EYS: variants seen among roughly 807,000 people sequenced by gnomAD.
The protein encoded by EYS is protein eyes shut homolog.
In EYS, 250 loss-of-function variants were observed where a neutral mutation model predicts 282.1. That is an observed-to-expected ratio of 0.89 (90% confidence interval 0.80 to 0.98). The LOEUF is 0.98. Among genes scored for constraint, EYS ranks in the 50% least tolerant of loss-of-function variants. EYS has a pLI of 0.00. For missense variants in EYS, 4,016 were observed against 3,709.0 expected, an observed-to-expected ratio of 1.08 and a Z score of -2.15; for synonymous variants, 1,355 against 1,282.9, an observed-to-expected ratio of 1.06 and a Z score of -1.20.
At chr6:65,075,732 A>G (rs1390473625) in intron 12 of EYS, among the ~76,000 whole-genome samples, 1 of 152,010 alleles carries the variant, frequency 6.6e-6, no homozygotes, top group African/African-American at 2.4e-5. Flanking sequence ...TGAGTTTCTC[A>G]CAGCCTAATA....
At chr6:63,836,332 TTACCAAAAAAATTTGGTAAAATA>T (rs1771804061) in intron 36 of EYS, among the ~76,000 whole-genome samples, 3 of 151,964 alleles carry the variant, frequency 2.0e-5, no homozygotes, top group Non-Finnish European at 2.9e-5. Context: ...AATTTGCCTT[TTACCAAAAAAATTTGGTAAAATA>T]TTTGTCTTTT....
At chr6:65,408,143 C>T (rs968489342) in intron 5 of EYS, among the ~76,000 whole-genome samples, 1 of 151,820 alleles carries the variant, frequency 6.6e-6, no homozygotes, top group African/African-American at 2.4e-5. Flanking sequence ...AAAAATCGTA[C>T]TTTATCAGGA....
At chr6:65,679,787 G>T (rs979215724) in intron 1 of EYS, among the ~76,000 whole-genome samples, 11 of 151,866 alleles carry the variant, frequency 7.2e-5, no homozygotes, top group Admixed American at 6.6e-4. Flanking sequence ...ACTGCATCCT[G>T]AAATATTTAT....
At chr6:65,516,382 A>G (rs2127294890) in intron 2 of EYS, among the ~76,000 whole-genome samples, 1 of 152,236 alleles carries the variant, frequency 6.6e-6, no homozygotes, top group East Asian at 1.9e-4. Context: ...ACTTTTAATG[A>G]TGATAGGTTT....
intron 24 of EYS, among the ~76,000 whole-genome samples, chr6:64,610,790 A>G (rs1387549883): frequency 6.6e-6 from 1 of 152,234 alleles, no homozygotes; most frequent in East Asian, 1.9e-4. Context: ...TTCTGAAAAT[A>G]TTAAACTACA....
intron 22 of EYS, among the ~76,000 whole-genome samples, chr6:64,660,488 C>A (rs1249726526): frequency 6.6e-6 from 1 of 151,950 alleles, no homozygotes; most frequent in African/African-American, 2.4e-5. Flanking sequence ...CTAGAAAACC[C>A]GATCATCTCA....
At chr6:64,790,934 C>T (rs529344486) in intron 22 of EYS, among the ~76,000 whole-genome samples, 2 of 151,782 alleles carry the variant, frequency 1.3e-5, no homozygotes, top group Non-Finnish European at 3.0e-5. Context: ...TTAAAAACAT[C>T]TTTCAAATTA....
chr6:65,065,099 G>T (rs910888378), intron 12 of EYS, among the ~76,000 whole-genome samples: 1 of 152,100 alleles, frequency 6.6e-6, no homozygotes, highest in African/African-American at 2.4e-5. Flanking sequence ...GAATCTAGGC[G>T]TGCTGAGCCT....
chr6:65,381,361 T>C (rs184272893), intron 8 of EYS, among the ~76,000 whole-genome samples: 3 of 151,922 alleles, frequency 2.0e-5, no homozygotes, highest in Admixed American at 1.3e-4. Flanking sequence ...CAAAGCAACA[T>C]AGGAACAGAA....
chr6:64,088,519 G>A (rs1291559951), intron 31 of EYS, among the ~76,000 whole-genome samples: 4 of 151,862 alleles, frequency 2.6e-5, no homozygotes, highest in Non-Finnish European at 5.9e-5. Flanking sequence ...AATCAAGATG[G>A]AGAATCTTTT....
chr6:64,117,616 A>G (rs1329030412), intron 31 of EYS, among the ~76,000 whole-genome samples: 2 of 151,844 alleles, frequency 1.3e-5, no homozygotes, highest in Non-Finnish European at 2.9e-5. Flanking sequence ...CCCTAGAAAA[A>G]TGAAAAAAAT....
chr6:65,485,548 T>G (rs934260115), intron 5 of EYS, among the ~76,000 whole-genome samples: 1 of 152,230 alleles, frequency 6.6e-6, no homozygotes, highest in Non-Finnish European at 1.5e-5. Flanking sequence ...CTCACTCCTG[T>G]AATTCCAGCA....
chr6:64,116,541 T>C (rs1773390742), intron 31 of EYS, among the ~76,000 whole-genome samples: 1 of 152,140 alleles, frequency 6.6e-6, no homozygotes, highest in African/African-American at 2.4e-5. Context: ...AATCAATAAT[T>C]ACCTTGAATG....
At chr6:65,136,205 A>G (rs1280153742) in intron 12 of EYS, among the ~76,000 whole-genome samples, 2 of 152,052 alleles carry the variant, frequency 1.3e-5, no homozygotes, top group Admixed American at 6.6e-5. Flanking sequence ...CATATTCTTC[A>G]TGAATAAAAG....
chr6:64,712,837 G>A (rs914540688), intron 22 of EYS, among the ~76,000 whole-genome samples: 1 of 152,152 alleles, frequency 6.6e-6, no homozygotes, highest in Non-Finnish European at 1.5e-5. Flanking sequence ...ATGCTCTAAG[G>A]TAAAACAGAA....
At chr6:64,229,224 A>G (rs1766342602) in intron 31 of EYS, among the ~76,000 whole-genome samples, 2 of 152,100 alleles carry the variant, frequency 1.3e-5, no homozygotes, top group South Asian at 4.1e-4. Context: ...GCAGTGAGCC[A>G]AGATCATGCC....
intron 26 of EYS, among the ~76,000 whole-genome samples, chr6:64,548,113 A>G (rs1379028632): frequency 2.0e-5 from 3 of 152,156 alleles, no homozygotes; most frequent in Non-Finnish European, 2.9e-5. Flanking sequence ...GGCTCCCACC[A>G]TGCAGCAGAG....
At chr6:65,557,990 T>C (rs552957920) in intron 2 of EYS, among the ~76,000 whole-genome samples, 1 of 152,188 alleles carries the variant, frequency 6.6e-6, no homozygotes, top group South Asian at 2.1e-4. Flanking sequence ...TGGGTGGCCA[T>C]GGGAGGACCT....
intron 12 of EYS, among the ~76,000 whole-genome samples, chr6:65,138,571 G>C (rs1292916475): frequency 6.6e-6 from 1 of 152,042 alleles, no homozygotes; most frequent in East Asian, 1.9e-4. Flanking sequence ...GAAGAAGCAA[G>C]ACTAGCTAGT....
Sources: gnomAD v4.1 joint callset for allele counts (sites outside exome capture counted in the v4.1 genomes callset) on GRCh38, gnomAD v4.1.1 for gene constraint, MANE v1.5 for transcripts, NCBI Gene and HGNC (gene_info 2026-07-23, HGNC 2026-07-21) for gene names.